FRAS1: variants seen among roughly 807,000 people sequenced by gnomAD.
FRAS1 encodes extracellular matrix organizing protein FRAS1.
A neutral mutation model predicts 435.2 loss-of-function variants in FRAS1; 290 were observed. That is an observed-to-expected ratio of 0.67 (90% CI 0.61 to 0.73). FRAS1 has a LOEUF of 0.73. Ranked by LOEUF, FRAS1 falls within the 30% of genes least tolerant of loss-of-function variation. FRAS1 has a pLI of 0.00. For missense variants in FRAS1, 4,860 were observed against 5,001.5 expected (o/e 0.97, Z 0.85); for synonymous variants, 1,800 against 1,851.0 (o/e 0.97, Z 0.71).
intron 55 of FRAS1, 116 bp from the exon 56 acceptor site, chr4:78,479,258 G>A: frequency 1.7e-6 from 1 of 593,702 alleles, no homozygotes; most frequent in East Asian, 3.3e-5. Context: ...GTCAGAGTTT[G>A]AACAGAAATA....
intron 49 of FRAS1, among the ~76,000 whole-genome samples, chr4:78,465,315 T>TG (rs1322538413): frequency 1.3e-5 from 2 of 152,128 alleles, no homozygotes; most frequent in African/African-American, 4.8e-5. Flanking sequence ...TATCTTTGTT[T>TG]GGGGGAAAGA....
intron 18 of FRAS1, among the ~76,000 whole-genome samples, chr4:78,324,146 T>C (rs1216169133): frequency 6.6e-6 from 1 of 152,148 alleles, no homozygotes; most frequent in East Asian, 1.9e-4. Context: ...TTTTTCTCAC[T>C]GCATGCATTA....
At chr4:78,422,238 A>G (rs768881544) in intron 34 of FRAS1, among the ~76,000 whole-genome samples, 15 of 151,202 alleles carry the variant, frequency 9.9e-5, no homozygotes, top group Non-Finnish European at 1.3e-4. Flanking sequence ...TGTCCCTCCT[A>G]TGTGCCAATC....
intron 2 of FRAS1, among the ~76,000 whole-genome samples, chr4:78,143,517 C>T (rs182703881): frequency 1.7e-3 from 260 of 152,052 alleles, no homozygotes; most frequent in Admixed American, 3.6e-3. Context: ...TTGACAACTG[C>T]AAAACACACA....
chr4:78,498,884 G>C (rs1430770641), intron 60 of FRAS1, among the ~76,000 whole-genome samples: 2 of 148,606 alleles, frequency 1.3e-5, no homozygotes, highest in African/African-American at 5.1e-5. Flanking sequence ...GTTTTGCTTT[G>C]TCGCCCAGGC....
chr4:78,111,956 T>C (rs1277162864), intron 2 of FRAS1, among the ~76,000 whole-genome samples: 1 of 152,042 alleles, frequency 6.6e-6, no homozygotes, highest in African/African-American at 2.4e-5. Context: ...TAGGCAAAGA[T>C]CCCAGATTAG....
intron 2 of FRAS1, among the ~76,000 whole-genome samples, chr4:78,145,900 G>A (rs539828909): frequency 6.6e-5 from 10 of 152,246 alleles, no homozygotes; most frequent in South Asian, 4.2e-4. Flanking sequence ...ATAAACATCT[G>A]GCTTTTCCCC....
intron 29 of FRAS1, among the ~76,000 whole-genome samples, chr4:78,391,516 A>G (rs1396540367): frequency 6.6e-6 from 1 of 152,178 alleles, no homozygotes; most frequent in Non-Finnish European, 1.5e-5. Flanking sequence ...AATCATACTT[A>G]CTGGTGGGCT....
At chr4:78,211,178 A>G (rs1723486991) in intron 2 of FRAS1, among the ~76,000 whole-genome samples, 1 of 152,164 alleles carries the variant, frequency 6.6e-6, no homozygotes, top group Non-Finnish European at 1.5e-5. Context: ...TGGGTTATAG[A>G]CAGGGAAAGG....
intron 2 of FRAS1, among the ~76,000 whole-genome samples, chr4:78,174,087 C>G (rs1283418927): frequency 6.6e-6 from 1 of 152,176 alleles, no homozygotes; most frequent in African/African-American, 2.4e-5. Flanking sequence ...TCCGGGAGAT[C>G]AGAATAGCAG....
intron 2 of FRAS1, among the ~76,000 whole-genome samples, chr4:78,090,128 G>A (rs1192576839): frequency 6.6e-6 from 1 of 152,146 alleles, no homozygotes; most frequent in African/African-American, 2.4e-5. Context: ...CTTCCTTGCT[G>A]TTCCAGTAAT....
intron 2 of FRAS1, among the ~76,000 whole-genome samples, chr4:78,152,977 C>A (rs1283168931): frequency 6.6e-6 from 1 of 152,100 alleles, no homozygotes; most frequent in African/African-American, 2.4e-5. Flanking sequence ...CTATCCTCAG[C>A]GACCTGGCCT....
chr4:78,176,029 A>T (rs1188711960), intron 2 of FRAS1, among the ~76,000 whole-genome samples: 1 of 152,226 alleles, frequency 6.6e-6, no homozygotes, highest in Non-Finnish European at 1.5e-5. Context: ...ACATTAGTGA[A>T]TTGAATGTCA....
chr4:78,114,582 C>T (rs1045056520), intron 2 of FRAS1, among the ~76,000 whole-genome samples: 14 of 152,040 alleles, frequency 9.2e-5, no homozygotes, highest in African/African-American at 2.9e-4. Context: ...TTTATTCTCT[C>T]TGAAGCAATT....
intron 19 of FRAS1, 101 bp from the exon 20 acceptor site, chr4:78,337,573 T>C: frequency 7.5e-7 from 1 of 1,338,120 alleles, no homozygotes; most frequent in Non-Finnish European, 1.0e-6. Flanking sequence ...TGATTAGAGT[T>C]GGAGGTCTGC....
At chr4:78,195,478 C>T (rs1440266513) in intron 2 of FRAS1, among the ~76,000 whole-genome samples, 2 of 152,240 alleles carry the variant, frequency 1.3e-5, no homozygotes, top group African/African-American at 4.8e-5. Context: ...ATGGCGGGCG[C>T]CCCTCCTCCA....
intron 26 of FRAS1, 86 bp from the exon 27 acceptor site, chr4:78,379,640 T>C (rs532944963): frequency 3.1e-6 from 4 of 1,272,478 alleles, no homozygotes; most frequent in Non-Finnish European, 4.4e-6. Context: ...AAGGAGGTGG[T>C]CTGAAAAAAT....
At chr4:78,258,467 A>T in intron 6 of FRAS1, among the ~76,000 whole-genome samples, 1 of 151,678 alleles carries the variant, frequency 6.6e-6, no homozygotes. Context: ...AAAATTTGGA[A>T]GGACTATAAT....
At chr4:78,134,162 G>A (rs1437738224) in intron 2 of FRAS1, among the ~76,000 whole-genome samples, 4 of 151,714 alleles carry the variant, frequency 2.6e-5, no homozygotes, top group African/African-American at 4.8e-5. Flanking sequence ...GTTTCGAGAC[G>A]GGCTATTAAC....
Sources: gnomAD v4.1 joint callset for allele counts (sites outside exome capture counted in the v4.1 genomes callset) on GRCh38, gnomAD v4.1.1 for gene constraint, MANE v1.5 for transcripts, NCBI Gene and HGNC (gene_info 2026-07-23, HGNC 2026-07-21) for gene names.